Variants in MYBPH observed in about 807,000 individuals in gnomAD.
MYBPH encodes the protein myosin-binding protein H.
A neutral mutation model predicts 53.6 loss-of-function variants in MYBPH; 49 were observed. The observed-to-expected ratio is 0.91, with a 90% confidence interval of 0.73 to 1.16. MYBPH has a LOEUF of 1.16. MYBPH is among the 50% of genes most tolerant of loss of function. The pLI, the probability that MYBPH is intolerant of heterozygous loss-of-function variation, is 0.00. For synonymous variants in MYBPH, 239 were observed against 249.6 expected (o/e 0.96, Z 0.40); for missense variants, 558 against 624.1 (o/e 0.89, Z 1.13).
chr1:203,168,809 C>G, intron 9 of MYBPH, 97 bp downstream of exon 9: 1 of 1,580,734 alleles, frequency 6.3e-7, no homozygotes, highest in Non-Finnish European at 8.6e-7. Context: ...CCAGTCTTAC[C>G]ACCCCTTCTC....
chr1:203,170,217 G>T lies in MYBPH; in HGVS notation c.1093+74C>A, dbSNP rs1016518687. ...GACGCCCAGGAGAAACCCAGAGAGAGGGGTGCAGAGACGCGGAGGAAGAAG... is the reference window on the plus strand; with the variant it reads ...GACGCCCAGGAGAAACCCAGAGAGATGGGTGCAGAGACGCGGAGGAAGAAG... On this transcript the variant is annotated intron_variant, in intron 7 of 10. Transcript: ENST00000255416. The T allele has an allele frequency of 1.9e-6, 3 of 1,567,386 alleles. No individual in the cohort carries two copies. The African/African-American group carries it at 4.0e-5, about 21-fold the overall frequency.
chr1:203,172,262 C>T (rs567687517), intron 3 of MYBPH, among the ~76,000 whole-genome samples: 5 of 152,154 alleles, frequency 3.3e-5, no homozygotes, highest in South Asian at 4.1e-4. Context: ...AGGAGGTCAG[C>T]GCCTCCATGG....
chr1:203,179,212 A>G (rs192635263), upstream of MYBPH: 163 of 424,342 alleles, frequency 3.8e-4, no homozygotes, highest in African/African-American at 3.1e-3. Context: ...AGTGTGTACT[A>G]ATCCCGAGTC....
chr1:203,171,183 TG>T lies in MYBPH; in HGVS notation c.810del (p.Ser271AlafsTer146), dbSNP rs1240262634. 4 of 1,603,880 alleles carry T rather than the reference TG, an allele frequency of 2.5e-6. No homozygotes were observed. Among genetic ancestry groups the T allele is most frequent in the East Asian group, 2.2e-5 (1 of 44,838 alleles). ...DILVIEKPGP[P>X]SSIRLLDVWG... is the part of the protein sequence containing the mutation. ...CAGACGTCCAGGAGCCTGATGCTGC[TG>T]GGGGGTCCAGGTTTCTCTGTAGGCC... is the stretch of plus-strand genomic sequence containing the variant. On this transcript the variant is annotated frameshift_variant, in exon 6 of 11. Coordinates refer to ENST00000255416, the MANE Select transcript of MYBPH (RefSeq NM_004997.3). LOFTEE classifies it high-confidence loss of function. The surrounding 1 kb of genome is among the most constrained non-coding windows in gnomAD (Gnocchi z 4.2).
In MYBPH at chr1:203,175,803, T is replaced by C. The variant is rs756925620; in HGVS notation, c.-48A>G. 2.5e-4 allele frequency: 398 copies of C among 1,596,550 alleles called. No homozygotes were observed. The highest frequency in any genetic ancestry group is 3.2e-4 in the Non-Finnish European group (372 of 1,169,046). On this transcript the variant is annotated 5_prime_UTR_variant, in exon 1 of 11. Coordinates refer to ENST00000255416, the MANE Select transcript of MYBPH (RefSeq NM_004997.3). ...GGGTGGAGTGTGCAGGGGTCAGCCG[T>C]TGGGGGGCCTGGGCCTCTAGGGTGC...
upstream of MYBPH, among the ~76,000 whole-genome samples, chr1:203,176,487 G>A (rs2102194921): frequency 6.6e-6 from 1 of 152,244 alleles, no homozygotes; most frequent in East Asian, 1.9e-4. Flanking sequence ...GCCTGCTGTG[G>A]GCCTCAGTTT....
chr1:203,173,032 G>T (rs1407441145), intron 3 of MYBPH, among the ~76,000 whole-genome samples: 1 of 152,190 alleles, frequency 6.6e-6, no homozygotes, highest in African/African-American at 2.4e-5. Flanking sequence ...AGCAGCCAAG[G>T]ATCCTGGACA....
intron 3 of MYBPH, 35 bp from the exon 4 acceptor site, chr1:203,172,075 A>G: frequency 8.0e-7 from 1 of 1,245,328 alleles, no homozygotes; most frequent in African/African-American, 1.5e-5. Context: ...TTAGCAGTGC[A>G]GTGGGGTGGC....
Position 203,171,724 on chromosome 1 carries a change from G to T in MYBPH, c.598-146C>A. On this transcript the variant is annotated intron_variant, in intron 4 of 10. Transcript: ENST00000255416. The surrounding 1 kb of genome is among the most constrained non-coding windows in gnomAD (Gnocchi z 4.2). ...GGGGCAGCAGAGGCTGGAGCCACAG[G>T]TGCTGCCCACAGCCACATCTTCCAG... 1 of 948,540 alleles carries T rather than the reference G, an allele frequency of 1.1e-6. No homozygotes were observed. Among genetic ancestry groups the T allele is most frequent in the Admixed American group, 3.0e-5 (1 of 33,880 alleles). The allele number at this position is 948,540 out of a possible 1,614,324, so 58.8% of individuals were successfully genotyped here. A position where few individuals can be genotyped will look rare whatever the true frequency, so the allele number is the denominator to read the frequency against.
At position 203,171,958 on chromosome 1, in the gene MYBPH, G is replaced by T; in HGVS notation, c.591C>A (p.Pro197=). The change falls in exon 4 of 11, where the codon CCC becomes CCA. Residue 197 remains proline (P), a synonymous_variant. Transcript: ENST00000255416. The surrounding 1 kb of genome is among the most constrained non-coding windows in gnomAD (Gnocchi z 4.2). ...QVGETVNLQI[P]FQGKPKPQAT... The stretch of plus-strand genomic sequence containing the variant: ...TGGTGGGGGTAATACCCACCTGGAA[G>T]GGGATTTGCAGGTTGACCGTCTCTC... The T allele has an allele frequency of 3.8e-6, 5 of 1,321,992 alleles. No individual in the cohort carries two copies. Among genetic ancestry groups the T allele is most frequent in the South Asian group, 3.1e-5 (1 of 32,622 alleles). The allele number at this position is 1,321,992 out of a possible 1,614,324, so 81.9% of individuals were successfully genotyped here.
intron 6 of MYBPH, among the ~76,000 whole-genome samples, chr1:203,170,804 AC>A (rs1488466631): frequency 3.9e-5 from 6 of 152,184 alleles, no homozygotes; most frequent in African/African-American, 9.7e-5. Context: ...ACTCATGTGG[AC>A]ATTAAGATTT....
At chr1:203,179,138 G>T (rs552222824), upstream of MYBPH, 108 of 239,334 alleles carry the variant, frequency 4.5e-4, 1 homozygote, top group African/African-American at 2.3e-3. Context: ...GGGCTGGGGG[G>T]CAGGGAGTTG....
chr1:203,170,432 C>T lies in MYBPH; in HGVS notation c.952G>A (p.Glu318Lys). Residue 318 changes from glutamate (E) to lysine (K), a missense_variant, in exon 7 of 11, where the codon GAG (glutamate) becomes AAG (lysine). Glu to Lys is a moderately conservative substitution (Grantham distance 56, BLOSUM62 1). Transcript: ENST00000255416. ...GTGCAGGTGGTTGGGTGGTAGCGCT[C>T]CAGCACTGTGAACCATTGCTGCAGG... ...KKTGQWFTVL[E>K]RYHPTTCTIS... The T allele has an allele frequency of 6.2e-7, 1 of 1,614,078 alleles. No individual in the cohort carries two copies. Among genetic ancestry groups the T allele is most frequent in the African/African-American group, 1.3e-5 (1 of 75,036 alleles).
At chr1:203,168,565 G>T in intron 10 of MYBPH, 62 bp downstream of exon 10, 2 of 1,496,122 alleles carry the variant, frequency 1.3e-6, no homozygotes, top group South Asian at 2.4e-5. Flanking sequence ...CCTGCTCCTG[G>T]CCTCCTCTCT....
Position 203,171,471 on chromosome 1 carries a change from C to G in MYBPH, c.705G>C (p.Ser235=), listed in dbSNP as rs369133410. Residue 235 remains serine, a synonymous_variant, in exon 5 of 11, where the codon TCG becomes TCC. Coordinates refer to ENST00000255416, the MANE Select transcript of MYBPH (RefSeq NM_004997.3). The surrounding 1 kb of genome is among the most constrained non-coding windows in gnomAD (Gnocchi z 4.2). ...GDQDSILFIR[S]AQRSDSGRYE... ...AGCGGCCAGAGTCGGAGCGCTGGGC[C>G]GAGCGAATGAAGAGGATGGAGTCCT... The G allele has an allele frequency of 1.1e-5, 17 of 1,613,886 alleles. No homozygotes were observed. In the African/African-American group the frequency reaches 1.1e-4, roughly 10 times the overall value.
At chr1:203,168,577 C>T in intron 10 of MYBPH, 50 bp downstream of exon 10, 1 of 1,531,150 alleles carries the variant, frequency 6.5e-7, no homozygotes, top group Non-Finnish European at 8.9e-7. Context: ...CTCCTCTCTG[C>T]TTCTGTGCTG....
rs1415467726 is a variant in MYBPH, at chr1:203,171,892, C to T, written c.597+60G>A. 4 of 1,116,978 alleles carry T rather than the reference C, an allele frequency of 3.6e-6. No homozygotes were observed. Among genetic ancestry groups the T allele is most frequent in the Non-Finnish European group, 4.7e-6 (4 of 856,828 alleles). The allele number at this position is 1,116,978 out of a possible 1,614,324, so 69.2% of individuals were successfully genotyped here. A position where few individuals can be genotyped will look rare whatever the true frequency, so the allele number is the denominator to read the frequency against. ...GAGACCCTGCCATCTCCCAGGCTCC[C>T]CTTAAATGGGGGCCCTGGTTCCCAC... On this transcript the variant is annotated intron_variant, in intron 4 of 10. Coordinates refer to ENST00000255416, the MANE Select transcript of MYBPH (RefSeq NM_004997.3). This position sits in a 1 kb window ranked among gnomAD's most constrained non-coding sequence, Gnocchi z 4.2.
rs769884152 is a variant in MYBPH at position 203,170,368 on chromosome 1, C to T, written c.1016G>A (p.Arg339Gln). The T allele has an allele frequency of 1.9e-5, 30 of 1,614,038 alleles. No homozygotes were observed. The highest frequency in any genetic ancestry group is 2.2e-5 in the East Asian group (1 of 44,900). ...TCCACACAGGTTTTCTGAGAAGACCCGGAAGGAGTACGAGTTGCCGATGAT... is the reference window on the plus strand; with the variant it reads ...TCCACACAGGTTTTCTGAGAAGACCTGGAAGGAGTACGAGTTGCCGATGAT... ...DLIIGNSYSF[R>Q]VFSENLCGLS... is the part of the protein sequence containing the mutation. Residue 339 changes from arginine to glutamine, a missense_variant, in exon 7 of 11, where the codon CGG becomes CAG. Arg to Gln is a conservative substitution (Grantham distance 43). Coordinates refer to ENST00000255416, the MANE Select transcript of MYBPH (RefSeq NM_004997.3).
Position 203,171,272 on chromosome 1 carries a change from T to G in MYBPH, c.794-72A>C. On this transcript the variant is annotated intron_variant, in intron 5 of 10. Transcript: ENST00000255416. This position sits in a 1 kb window ranked among gnomAD's most constrained non-coding sequence, Gnocchi z 4.2. Reference sequence around the variant, plus strand: ...GCCACAGAGCCCCCACACCCAAAATTTGGCTCTTGCCACACTCCCTTGGCC... The same window carrying G: ...GCCACAGAGCCCCCACACCCAAAATGTGGCTCTTGCCACACTCCCTTGGCC... 2 of 1,548,434 alleles carry G rather than the reference T, an allele frequency of 1.3e-6. No homozygotes were observed. The highest frequency in any genetic ancestry group is 1.2e-5 in the South Asian group (1 of 80,250).
Sources: allele counts gnomAD v4.1 joint callset (sites outside exome capture counted in the v4.1 genomes callset), GRCh38; gene constraint gnomAD v4.1.1; non-coding constraint Gnocchi (gnomAD v3.1); transcripts MANE v1.5; gene names NCBI Gene and HGNC (gene_info 2026-07-23, HGNC 2026-07-21).